The following ATRN variants were observed in gnomAD, a reference collection of about 807,000 sequenced individuals.
ATRN encodes attractin-2.
In ATRN, 54 loss-of-function variants were observed where a neutral mutation model predicts 178.7. The observed-to-expected ratio is 0.30, with a 90% confidence interval of 0.24 to 0.38. The LOEUF (loss-of-function observed/expected upper bound fraction) is 0.38. Among genes scored for constraint, ATRN ranks in the 10% least tolerant of loss-of-function variants. ATRN has a pLI of 1.00. For missense variants in ATRN, 1,443 were observed against 1,815.1 expected (o/e 0.79, Z 3.73); for synonymous variants, 636 against 663.0 (o/e 0.96, Z 0.63).
intron 1 of ATRN, among the ~76,000 whole-genome samples, chr20:3,508,265 A>T (rs766999205): frequency 3.3e-5 from 5 of 152,154 alleles, no homozygotes; most frequent in Non-Finnish European, 7.3e-5. Flanking sequence ...AACAATGGAA[A>T]CCCAAACAAT....
intron 1 of ATRN, among the ~76,000 whole-genome samples, chr20:3,487,912 A>C (rs1337457132): frequency 6.6e-6 from 1 of 152,068 alleles, no homozygotes; most frequent in East Asian, 1.9e-4. Flanking sequence ...AAAGCTCTTT[A>C]AGGGTTCCAC....
intron 12 of ATRN, among the ~76,000 whole-genome samples, chr20:3,573,269 T>C (rs1297992192): frequency 2.6e-5 from 4 of 152,214 alleles, no homozygotes; most frequent in Admixed American, 2.0e-4. Context: ...AACTTTATTT[T>C]TGATGATGGA....
intron 11 of ATRN, among the ~76,000 whole-genome samples, chr20:3,570,900 A>G (rs990404814): frequency 3.3e-5 from 5 of 152,256 alleles, no homozygotes; most frequent in African/African-American, 1.2e-4. Context: ...TTAAGAAGGC[A>G]GGTTAAAGAG....
chr20:3,620,561 C>T (rs1439791977), intron 24 of ATRN, among the ~76,000 whole-genome samples: 1 of 152,166 alleles, frequency 6.6e-6, no homozygotes, highest in East Asian at 1.9e-4. Context: ...TAAATAATTT[C>T]TTACTTCAGA....
intron 24 of ATRN, among the ~76,000 whole-genome samples, chr20:3,620,093 C>T (rs1285359264): frequency 6.6e-6 from 1 of 152,182 alleles, no homozygotes; most frequent in Non-Finnish European, 1.5e-5. Flanking sequence ...CCATCTCCCT[C>T]CCACTCCCCA....
At chr20:3,504,126 AT>A (rs1225742218) in intron 1 of ATRN, among the ~76,000 whole-genome samples, 1 of 152,114 alleles carries the variant, frequency 6.6e-6, no homozygotes, top group Non-Finnish European at 1.5e-5. Flanking sequence ...AAGACATGAT[AT>A]TTTTCAAGTG....
At chr20:3,547,689 A>T (rs73579658) in intron 5 of ATRN, among the ~76,000 whole-genome samples, 200 bp downstream of exon 5, 25 of 152,256 alleles carry the variant, frequency 1.6e-4, no homozygotes, top group Middle Eastern at 3.4e-3. Flanking sequence ...CTTTAGAATT[A>T]TGGAGGGTTG....
intron 18 of ATRN, among the ~76,000 whole-genome samples, chr20:3,586,051 C>T (rs1355649500): frequency 1.3e-5 from 2 of 152,170 alleles, no homozygotes; most frequent in African/African-American, 2.4e-5. Flanking sequence ...CTCCTAGGTA[C>T]ATACCCAAGA....
At chr20:3,555,480 C>G (rs1057324536) in intron 6 of ATRN, among the ~76,000 whole-genome samples, 1 of 152,072 alleles carries the variant, frequency 6.6e-6, no homozygotes, top group African/African-American at 2.4e-5. Context: ...AGAAATTGAC[C>G]AAGTGGCTGA....
At chr20:3,624,419 C>A in intron 24 of ATRN, 92 bp from the exon 25 acceptor site, 3 of 1,140,348 alleles carry the variant, frequency 2.6e-6, no homozygotes, top group Non-Finnish European at 2.6e-6. Flanking sequence ...AAAATGTAAG[C>A]TCTGTTTTCA....
At chr20:3,588,977 T>TTTTG (rs2086397210) in intron 18 of ATRN, among the ~76,000 whole-genome samples, 1 of 94,784 alleles carries the variant, frequency 1.1e-5, no homozygotes, top group African/African-American at 4.4e-5. Context: ...TAGTATTTTC[T>TTTTG]TTTGTTTTTT....
intron 1 of ATRN, among the ~76,000 whole-genome samples, chr20:3,515,478 G>A (rs537774182): frequency 2.0e-5 from 3 of 152,262 alleles, no homozygotes; most frequent in African/African-American, 2.4e-5. Context: ...GGGTTTTGGG[G>A]ACCAAGTGAA....
At chr20:3,519,236 G>C (rs759608819) in intron 1 of ATRN, among the ~76,000 whole-genome samples, 4 of 152,112 alleles carry the variant, frequency 2.6e-5, no homozygotes, top group Non-Finnish European at 4.4e-5. Context: ...ACCTGTGCTT[G>C]AGGCTGAAGC....
rs1221469295 is a variant in ATRN, at chr20:3,545,917, G to T, written c.737+27G>T. 3 of 1,607,292 alleles carry T rather than the reference G, an allele frequency of 1.9e-6. No homozygotes were observed. The East Asian group carries it at 6.7e-5, about 36-fold the overall frequency. On this transcript the variant is annotated intron_variant, in intron 4 of 28. Coordinates refer to ENST00000262919, the MANE Select transcript of ATRN (RefSeq NM_139321.3). ...TAAGATACTTAAGTCTAGTATTTGT[G>T]ATTTCATTCAGGAGACTATCTACTA...
chr20:3,512,835 G>A (rs1469224784), intron 1 of ATRN, among the ~76,000 whole-genome samples: 2 of 152,274 alleles, frequency 1.3e-5, no homozygotes, highest in East Asian at 3.9e-4. Context: ...TGGTGGTTTT[G>A]ATTTGCATTT....
intron 18 of ATRN, among the ~76,000 whole-genome samples, chr20:3,585,453 G>A (rs1832422780): frequency 6.6e-6 from 1 of 152,154 alleles, no homozygotes; most frequent in African/African-American, 2.4e-5. Context: ...TCTCAGAAAA[G>A]GAAATAGAAC....
chr20:3,490,151 T>C (rs1243920197), intron 1 of ATRN: 7 of 1,498,840 alleles, frequency 4.7e-6, no homozygotes, highest in East Asian at 2.3e-5. Context: ...CCAGGGACTT[T>C]CCTTTGGTAC....
chr20:3,618,006 G>C (rs375139672), intron 24 of ATRN, among the ~76,000 whole-genome samples: 63 of 152,300 alleles, frequency 4.1e-4, no homozygotes, highest in African/African-American at 1.4e-3. Context: ...GTGCATCAGG[G>C]TCTGAGGGCT....
At position 3,563,242 on chromosome 20, in the gene ATRN, C is replaced by A; in HGVS notation, c.1665C>A (p.Tyr555Ter). The A allele has an allele frequency of 6.2e-7, 1 of 1,613,590 alleles. No homozygotes were observed. Among genetic ancestry groups the A allele is most frequent in the South Asian group, 1.1e-5 (1 of 90,980 alleles). ...TTAAGGACAGCCGATTTTTCCGTTA[C>A]TTGCACACAGCTGTGATAGTGAGTG... ...TILKDSRFFR[Y>*]LHTAVIVSGT... The change falls in exon 10 of 29, where the codon TAC becomes TAA. Residue 555 changes from tyrosine (Y) to a stop codon, truncating the protein, a stop_gained. Coordinates refer to ENST00000262919, the MANE Select transcript of ATRN (RefSeq NM_139321.3). LOFTEE classifies it high-confidence loss of function.
Sources: allele counts gnomAD v4.1 joint callset (sites outside exome capture counted in the v4.1 genomes callset), GRCh38; gene constraint gnomAD v4.1.1; transcripts MANE v1.5; gene names NCBI Gene and HGNC (gene_info 2026-07-23, HGNC 2026-07-21).